The following CEP295 variants were observed in gnomAD, a reference collection of about 807,000 sequenced individuals.
CEP295 encodes the protein centrosomal protein of 295 kDa.
A neutral mutation model predicts 291.6 loss-of-function variants in CEP295; 190 were observed. The ratio of observed to expected loss-of-function variants is 0.65; its 90% CI spans 0.58 to 0.73. The LOEUF is 0.73. Among genes scored for constraint, CEP295 ranks in the 30% least tolerant of loss-of-function variants. The pLI, the probability that CEP295 is intolerant of heterozygous loss-of-function variation, is 0.00. For missense variants in CEP295, 2,863 were observed against 2,949.4 expected (o/e 0.97, Z 0.68); for synonymous variants, 993 against 1,038.8 (o/e 0.96, Z 0.85).
chr11:93,726,272 T>G (rs1193440475), intron 23 of CEP295, among the ~76,000 whole-genome samples: 1 of 152,182 alleles, frequency 6.6e-6, no homozygotes, highest in Non-Finnish European at 1.5e-5. Flanking sequence ...GTAGCTGGGA[T>G]TACAGGCATG....
At chr11:93,706,694 T>C (rs1591093980) in intron 17 of CEP295, 51 bp from the exon 18 acceptor site, 1 of 1,443,518 alleles carries the variant, frequency 6.9e-7, no homozygotes, top group Non-Finnish European at 9.2e-7. Flanking sequence ...ACTTTAGTTC[T>C]AGCTATTAAT....
At position 93,725,850 on chromosome 11, in the gene CEP295, G is replaced by GA; in HGVS notation, c.6499+24dup. 6.5e-7 allele frequency: 1 copy of GA among 1,540,444 alleles called. No individual in the cohort carries two copies. The highest frequency in any genetic ancestry group is 8.8e-7 in the Non-Finnish European group (1 of 1,141,238). ...ATTGGGGGTATGTATGACTAAGTTA[G>GA]AAAAAGTTAATTTTTCCATGATTTT... On this transcript the variant is annotated intron_variant, in intron 23 of 29. Transcript: ENST00000325212.
intron 1 of CEP295, among the ~76,000 whole-genome samples, chr11:93,665,402 G>A (rs553937921): frequency 6.6e-6 from 1 of 152,238 alleles, no homozygotes; most frequent in African/African-American, 2.4e-5. Flanking sequence ...CAGTGTGAAC[G>A]GTAGCAACAG....
chr11:93,722,839 T>C (rs974432973), intron 20 of CEP295: 5 of 429,048 alleles, frequency 1.2e-5, no homozygotes, highest in Non-Finnish European at 1.3e-5. Context: ...CTCTCCCGAG[T>C]AGCTGGGACT....
intron 18 of CEP295, among the ~76,000 whole-genome samples, chr11:93,719,049 A>G (rs1953480360): frequency 6.6e-6 from 1 of 152,152 alleles, no homozygotes; most frequent in African/African-American, 2.4e-5. Flanking sequence ...TGGAGTTTGC[A>G]GTGAGCCAAG....
Position 93,679,314 on chromosome 11 carries a change from T to C in CEP295, c.625-98T>C, listed in dbSNP as rs560426897. 5.2e-6 allele frequency: 5 copies of C among 970,730 alleles called. No individual in the cohort carries two copies. The African/African-American group carries it at 6.6e-5, about 13-fold the overall frequency. The allele number at this position is 970,730 out of a possible 1,614,324, so 60.1% of individuals were successfully genotyped here. On this transcript the variant is annotated intron_variant, in intron 6 of 29. Transcript: ENST00000325212. ...AAAATATAACTCTTCTTATATTTTA[T>C]ATATGTAGAAAACATGATTTTAAGG...
Position 93,721,352 on chromosome 11 carries a change from A to C in CEP295, c.5790A>C (p.Leu1930Phe), listed in dbSNP as rs1953698261. 4 of 1,559,480 alleles carry C rather than the reference A, an allele frequency of 2.6e-6. No individual in the cohort carries two copies. Reference protein sequence around the residue: ...KESVVENHAVLSYAVEEEHAY... With the variant: ...KESVVENHAVFSYAVEEEHAY... Reference sequence around the variant, plus strand: ...CTGTTGTTGAAAATCATGCAGTGTTAAGTTATGCTGTGGAGGAAGAACATG... The same window carrying C: ...CTGTTGTTGAAAATCATGCAGTGTTCAGTTATGCTGTGGAGGAAGAACATG... The change falls in exon 19 of 30, where the codon TTA (leucine) becomes TTC (phenylalanine). Residue 1930 changes from leucine to phenylalanine, a missense_variant. Coordinates refer to ENST00000325212, the MANE Select transcript of CEP295 (RefSeq NM_033395.2).
At chr11:93,670,406 G>A (rs1950384135) in intron 5 of CEP295, among the ~76,000 whole-genome samples, 1 of 151,456 alleles carries the variant, frequency 6.6e-6, no homozygotes, top group Non-Finnish European at 1.5e-5. Context: ...TTAAAAAAAT[G>A]TAATTAAAGC....
chr11:93,673,719 C>T (rs1179702648), intron 5 of CEP295, among the ~76,000 whole-genome samples: 2 of 152,020 alleles, frequency 1.3e-5, no homozygotes, highest in African/African-American at 4.8e-5. Flanking sequence ...TCTCAAACTC[C>T]TGACATCAAG....
At chr11:93,729,186 A>G (rs1023156301) in intron 25 of CEP295, 3 of 554,590 alleles carry the variant, frequency 5.4e-6, no homozygotes, top group Admixed American at 3.2e-5. Flanking sequence ...AAAGCTATCT[A>G]AACAGAGGCC....
intron 22 of CEP295, among the ~76,000 whole-genome samples, chr11:93,724,758 C>G (rs1954017498): frequency 6.6e-6 from 1 of 151,866 alleles, no homozygotes; most frequent in African/African-American, 2.4e-5. Flanking sequence ...CAGAGCCAGA[C>G]CCTGTCTTTA....
At chr11:93,703,575 G>GT (rs1022461721) in intron 17 of CEP295, among the ~76,000 whole-genome samples, 145 of 142,562 alleles carry the variant, frequency 1.0e-3, no homozygotes, top group Middle Eastern at 3.6e-3. Context: ...ATACACTCAG[G>GT]TTTTTTTTTT....
chr11:93,679,255 A>G (rs920840343), intron 6 of CEP295, among the ~76,000 whole-genome samples, 157 bp from the exon 7 acceptor site: 3 of 152,214 alleles, frequency 2.0e-5, no homozygotes, highest in Non-Finnish European at 4.4e-5. Context: ...GATCCCTTTC[A>G]TAGGTACATG....
rs906431684 is a variant in CEP295, at chr11:93,675,621, C to T, written c.579C>T (p.Tyr193=). The T allele has an allele frequency of 2.1e-5, 32 of 1,512,368 alleles. No homozygotes were observed. The highest frequency in any genetic ancestry group is 2.6e-5 in the Non-Finnish European group (29 of 1,132,826). The allele number at this position is 1,512,368 out of a possible 1,614,324, so 93.7% of individuals were successfully genotyped here. ...CAGTCAAAACCAATAGTTCTACCTA[C>T]CATCATCTTCACACTTTTGTGAATA... ...ISAVKTNSST[Y]HHLHTFVNRE... The change falls in exon 6 of 30, where the codon TAC becomes TAT. Residue 193 remains tyrosine (Y), a synonymous_variant. Coordinates refer to ENST00000325212, the MANE Select transcript of CEP295 (RefSeq NM_033395.2).
intron 6 of CEP295, 36 bp downstream of exon 6, chr11:93,675,702 A>G: frequency 9.3e-7 from 1 of 1,076,138 alleles, no homozygotes; most frequent in South Asian, 1.6e-5. Context: ...CCCTCGCTTT[A>G]TTATTTCTGT....
rs1266100668 is a variant in CEP295, at chr11:93,727,267, G to A, written c.6791G>A (p.Ser2264Asn). ...QHSTPCGSNS[S>N]ECSTKHQLES... ...AGCACTCCATGTGGTTCTAACTCTAGTGAGTGCTCAACAAAACACCAACTA... is the reference window on the plus strand; with the variant it reads ...AGCACTCCATGTGGTTCTAACTCTAATGAGTGCTCAACAAAACACCAACTA... Residue 2264 changes from serine (S) to asparagine (N), a missense_variant, in exon 24 of 30, where the codon AGT becomes AAT. Ser to Asn is a conservative substitution (Grantham distance 46). Transcript: ENST00000325212. 6.4e-7 allele frequency: 1 copy of A among 1,551,638 alleles called. No homozygotes were observed. The highest frequency in any genetic ancestry group is 8.7e-7 in the Non-Finnish European group (1 of 1,146,984).
chr11:93,684,205 A>G, intron 9 of CEP295, 77 bp downstream of exon 9: 1 of 1,302,256 alleles, frequency 7.7e-7, no homozygotes, highest in Non-Finnish European at 1.1e-6. Flanking sequence ...GCAGTTAGGA[A>G]AATCTGGTCT....
At chr11:93,726,240 C>T (rs550667349) in intron 23 of CEP295, among the ~76,000 whole-genome samples, 5 of 152,182 alleles carry the variant, frequency 3.3e-5, no homozygotes, top group Non-Finnish European at 7.3e-5. Flanking sequence ...AAGTGATTCT[C>T]CTGCCTCACT....
chr11:93,702,186 T>C (rs182958229), intron 15 of CEP295, among the ~76,000 whole-genome samples: 3 of 152,076 alleles, frequency 2.0e-5, no homozygotes, highest in Non-Finnish European at 4.4e-5. Context: ...CTTGAACTCC[T>C]GACTTCAGGT....
Sources: allele counts gnomAD v4.1 joint callset (sites outside exome capture counted in the v4.1 genomes callset), GRCh38; gene constraint gnomAD v4.1.1; transcripts MANE v1.5; gene names NCBI Gene and HGNC (gene_info 2026-07-23, HGNC 2026-07-21).